DCC: variants seen among roughly 807,000 people sequenced by gnomAD.
The protein encoded by DCC is netrin receptor DCC.
A neutral mutation model predicts 172.5 loss-of-function variants in DCC; 58 were observed. The observed-to-expected ratio is 0.34, with a 90% CI of 0.27 to 0.42. DCC has a LOEUF of 0.42. DCC is among the 10% of genes least tolerant of loss of function. The pLI is 1.00. For missense variants in DCC, 1,740 were observed against 1,791.0 expected (o/e 0.97, Z 0.51); for synonymous variants, 709 against 644.5 (o/e 1.10, Z -1.52).
At chr18:53,123,797 C>T (rs1031958689) in intron 7 of DCC, among the ~76,000 whole-genome samples, 1 of 152,072 alleles carries the variant, frequency 6.6e-6, no homozygotes, top group African/African-American at 2.4e-5. Context: ...TATGGCACTT[C>T]AACGTGTCAC....
At chr18:52,561,189 G>T (rs1019959612) in intron 1 of DCC, among the ~76,000 whole-genome samples, 32 of 151,704 alleles carry the variant, frequency 2.1e-4, no homozygotes, top group African/African-American at 7.5e-4. Context: ...ATATTTTATT[G>T]GTGTGAATGC....
intron 1 of DCC, among the ~76,000 whole-genome samples, chr18:52,725,576 G>A (rs1934659300): frequency 1.3e-5 from 2 of 152,168 alleles, no homozygotes; most frequent in African/African-American, 4.8e-5. Flanking sequence ...ACTACGTAAT[G>A]AGAAAGATGG....
intron 7 of DCC, among the ~76,000 whole-genome samples, chr18:53,126,976 A>G (rs187612325): frequency 7.9e-4 from 120 of 152,248 alleles, no homozygotes; most frequent in Middle Eastern, 3.4e-3. Context: ...AGAGAGAAAG[A>G]TAAGTTCTTC....
intron 5 of DCC, among the ~76,000 whole-genome samples, chr18:52,927,175 A>ACGTATATG (rs753304894): frequency 7.1e-6 from 1 of 140,986 alleles, no homozygotes; most frequent in East Asian, 2.1e-4. Flanking sequence ...ATGTGTATAT[A>ACGTATATG]TGTGTATATA....
chr18:52,437,889 C>T (rs1015205845), intron 1 of DCC, among the ~76,000 whole-genome samples: 1 of 152,172 alleles, frequency 6.6e-6, no homozygotes, highest in African/African-American at 2.4e-5. Context: ...CCAGAAATCA[C>T]TCAGCTTAAG....
intron 2 of DCC, among the ~76,000 whole-genome samples, chr18:52,888,369 C>T (rs1431747308): frequency 1.3e-5 from 2 of 152,136 alleles, no homozygotes; most frequent in African/African-American, 4.8e-5. Flanking sequence ...ATTTCTTTTT[C>T]CACAGGTGCA....
At chr18:53,007,739 A>C (rs1475734977) in intron 5 of DCC, among the ~76,000 whole-genome samples, 1 of 152,186 alleles carries the variant, frequency 6.6e-6, no homozygotes, top group Non-Finnish European at 1.5e-5. Flanking sequence ...AAGTAGCTAC[A>C]AGCTCAGAGG....
intron 12 of DCC, among the ~76,000 whole-genome samples, chr18:53,303,769 T>C (rs1025034761): frequency 1.4e-4 from 21 of 152,298 alleles, no homozygotes; most frequent in African/African-American, 4.3e-4. Context: ...TACAGTGCTC[T>C]TTCAGCTCTG....
intron 1 of DCC, among the ~76,000 whole-genome samples, chr18:52,414,136 A>T (rs1206497791): frequency 6.6e-6 from 1 of 152,078 alleles, no homozygotes; most frequent in Non-Finnish European, 1.5e-5. Context: ...GCTGGAGTGC[A>T]GTGGTGCAAT....
chr18:52,935,101 A>C (rs2040362717), intron 5 of DCC, among the ~76,000 whole-genome samples: 1 of 152,158 alleles, frequency 6.6e-6, no homozygotes, highest in Admixed American at 6.6e-5. Context: ...AAAGTGAGCA[A>C]CAATGAAGAC....
chr18:52,704,772 G>A (rs987235381), intron 1 of DCC, among the ~76,000 whole-genome samples: 3 of 152,168 alleles, frequency 2.0e-5, no homozygotes, highest in Admixed American at 2.0e-4. Context: ...CAGTGGGCGT[G>A]CCTTCTTGGT....
At chr18:53,283,490 C>A (rs1325912599) in intron 12 of DCC, among the ~76,000 whole-genome samples, 1 of 151,892 alleles carries the variant, frequency 6.6e-6, no homozygotes, top group Non-Finnish European at 1.5e-5. Context: ...AATGTGTTTT[C>A]ATAATATTTC....
intron 2 of DCC, among the ~76,000 whole-genome samples, chr18:52,834,253 A>T (rs2145301851): frequency 6.6e-6 from 1 of 151,912 alleles, no homozygotes; most frequent in African/African-American, 2.4e-5. Flanking sequence ...GTTTTTAAAC[A>T]GTTTGAAGTC....
intron 5 of DCC, among the ~76,000 whole-genome samples, chr18:52,947,317 A>G (rs1232013103): frequency 6.6e-6 from 1 of 152,186 alleles, no homozygotes; most frequent in African/African-American, 2.4e-5. Flanking sequence ...TTCTTATACA[A>G]TGCAAACTGT....
chr18:52,844,309 T>C lies in DCC; in HGVS notation c.413-61735T>C, dbSNP rs189698677. Among the ~76,000 whole-genome samples the C allele has an allele frequency of 1.5e-4, 17 of 112,490 alleles. No individual in the cohort carries two copies. The East Asian group carries it at 3.2e-3, about 21-fold the overall frequency. 73.8% of individuals were successfully genotyped at this position (112,490 alleles called of 152,430 possible). ...GATGATTGATTGATAGATAGGTAGATACATAGATAGGCAGACAGACAGACA... is the reference window on the plus strand; with the variant it reads ...GATGATTGATTGATAGATAGGTAGACACATAGATAGGCAGACAGACAGACA... On this transcript the variant is annotated intron_variant, in intron 2 of 28. Coordinates refer to ENST00000442544, the MANE Select transcript of DCC (RefSeq NM_005215.4).
At chr18:52,754,754 A>G (rs188662489) in intron 2 of DCC, among the ~76,000 whole-genome samples, 180 of 152,264 alleles carry the variant, frequency 1.2e-3, no homozygotes, top group African/African-American at 4.2e-3. Flanking sequence ...TTTTCTTTGG[A>G]CTGACTTGGC....
chr18:53,066,181 A>G lies in DCC; in HGVS notation c.1261+15A>G, dbSNP rs778680895. 3 of 1,611,342 alleles carry G rather than the reference A, an allele frequency of 1.9e-6. No individual in the cohort carries two copies. Among genetic ancestry groups the G allele is most frequent in the Non-Finnish European group, 2.5e-6 (3 of 1,177,970 alleles). ...CCCTAAGCCTGGTAAGACAATGGGA[A>G]CCTTGCTTTGGTACCTGGAATGAAA... On this transcript the variant is annotated intron_variant, in intron 7 of 28. Transcript: ENST00000442544.
chr18:52,890,833 G>T (rs548019504), intron 2 of DCC, among the ~76,000 whole-genome samples: 2 of 152,136 alleles, frequency 1.3e-5, no homozygotes, highest in African/African-American at 2.4e-5. Context: ...TATATGAAAA[G>T]AGTTTGCCTC....
At chr18:52,690,192 G>A (rs944302964) in intron 1 of DCC, among the ~76,000 whole-genome samples, 12 of 152,110 alleles carry the variant, frequency 7.9e-5, no homozygotes, top group Admixed American at 3.3e-4. Context: ...CACGTTTGCC[G>A]CTTTAAGTCA....
Sources: allele counts gnomAD v4.1 joint callset (sites outside exome capture counted in the v4.1 genomes callset), GRCh38; gene constraint gnomAD v4.1.1; transcripts MANE v1.5; gene names NCBI Gene and HGNC (gene_info 2026-07-23, HGNC 2026-07-21).